The following S100Z variants were observed in gnomAD, a reference collection of about 807,000 sequenced individuals.
S100Z encodes S100 calcium binding protein Z.
In S100Z, 11 loss-of-function variants were observed where a neutral mutation model predicts 8.5. The ratio of observed to expected loss-of-function variants is 1.30; its 90% confidence interval spans 0.82 to 2.15. S100Z has a LOEUF of 2.15. Ranked by LOEUF, S100Z falls within the 30% of genes most tolerant of loss-of-function variation. The pLI is 0.00. For missense variants in S100Z, 126 were observed against 117.9 expected, an observed-to-expected ratio of 1.07 and a Z score of -0.32; for synonymous variants, 34 against 43.8, an observed-to-expected ratio of 0.78 and a Z score of 0.89.
the S100Z span, among the ~76,000 whole-genome samples, chr5:76,937,179 C>T: frequency 0.4 from 60,697 of 151,562 alleles, 14,177 homozygotes; most frequent in South Asian, 0.65. Context: ...TTATGCTTGC[C>T]CCTCAAGATT....
the S100Z span, among the ~76,000 whole-genome samples, chr5:76,947,829 G>C: frequency 0.078 from 11,932 of 152,166 alleles, 763 homozygotes; most frequent in African/African-American, 0.18. Context: ...TAATAAAATT[G>C]AACCTTTACC....
At chr5:76,881,492 C>T (rs749034014) in intron 4 of S100Z, among the ~76,000 whole-genome samples, 18 of 152,086 alleles carry the variant, frequency 1.2e-4, no homozygotes, top group Non-Finnish European at 2.1e-4. Flanking sequence ...TGAACAATCC[C>T]TGAGGAGTAG....
chr5:76,872,479 T>C (rs1311595211), intron 2 of S100Z, among the ~76,000 whole-genome samples: 2 of 151,656 alleles, frequency 1.3e-5, no homozygotes, highest in Non-Finnish European at 2.9e-5. Context: ...CTGGGAAACA[T>C]AGGGAGACCC....
At chr5:76,854,434 T>C (rs1265400717) in intron 1 of S100Z, among the ~76,000 whole-genome samples, 1 of 152,112 alleles carries the variant, frequency 6.6e-6, no homozygotes, top group Non-Finnish European at 1.5e-5. Flanking sequence ...AAGGTCACTT[T>C]TGTTGTGCAT....
At chr5:76,923,051 C>A (rs1326827576), downstream of S100Z, among the ~76,000 whole-genome samples, 4 of 150,602 alleles carry the variant, frequency 2.7e-5, no homozygotes, top group African/African-American at 9.7e-5. Context: ...AAACACAATA[C>A]CATATCACAC....
At chr5:76,885,301 C>G (rs181989232) in intron 4 of S100Z, among the ~76,000 whole-genome samples, 46 of 151,930 alleles carry the variant, frequency 3.0e-4, no homozygotes, top group African/African-American at 1.1e-3. Context: ...GTGCTTGCCC[C>G]CCAGGAAAGT....
At chr5:76,943,713 C>T in the S100Z span, among the ~76,000 whole-genome samples, 2 of 152,032 alleles carry the variant, frequency 1.3e-5, no homozygotes, top group South Asian at 4.2e-4. Context: ...ATTTGAGACA[C>T]CATCTGTCTC....
At chr5:76,922,610 G>A (rs188104853), downstream of S100Z, among the ~76,000 whole-genome samples, 87 of 152,254 alleles carry the variant, frequency 5.7e-4, no homozygotes, top group Non-Finnish European at 1.1e-3. Context: ...TGCAAGCTCC[G>A]CCTCCTGGGT....
chr5:76,882,523 G>T (rs1332886620), intron 4 of S100Z, among the ~76,000 whole-genome samples: 1 of 152,132 alleles, frequency 6.6e-6, no homozygotes, highest in Non-Finnish European at 1.5e-5. Flanking sequence ...TTATATAATG[G>T]TTTTGTTAGG....
At chr5:76,913,680 A>G (rs1479436223) in intron 4 of S100Z, among the ~76,000 whole-genome samples, 6 of 152,264 alleles carry the variant, frequency 3.9e-5, no homozygotes, top group Admixed American at 1.3e-4. Context: ...AACAAAATCT[A>G]TCCTTACTCT....
intron 4 of S100Z, among the ~76,000 whole-genome samples, chr5:76,919,660 G>A (rs192833509): frequency 4.1e-5 from 6 of 147,340 alleles, no homozygotes; most frequent in Non-Finnish European, 7.4e-5. Flanking sequence ...CACCCAGGCT[G>A]TAGGGTAGTG....
At chr5:76,928,835 G>T in the S100Z span, among the ~76,000 whole-genome samples, 2 of 152,208 alleles carry the variant, frequency 1.3e-5, no homozygotes, top group African/African-American at 2.4e-5. Context: ...AAACTCCTGG[G>T]CTCAAGCAAT....
At chr5:76,946,999 T>C in the S100Z span, among the ~76,000 whole-genome samples, 1 of 129,486 alleles carries the variant, frequency 7.7e-6, no homozygotes, top group African/African-American at 3.6e-5. Flanking sequence ...TCCTACCCCC[T>C]GGCCTCTGGG....
intron 2 of S100Z, among the ~76,000 whole-genome samples, chr5:76,874,067 T>C (rs1336787585): frequency 6.6e-6 from 1 of 152,130 alleles, no homozygotes; most frequent in African/African-American, 2.4e-5. Context: ...CCCAACATAG[T>C]ATTATATTTT....
chr5:76,904,730 A>G (rs759573780), intron 4 of S100Z, among the ~76,000 whole-genome samples: 3 of 151,944 alleles, frequency 2.0e-5, no homozygotes, highest in Admixed American at 6.6e-5. Flanking sequence ...TTTTTGGTAG[A>G]GATGGGGTCT....
intron 1 of S100Z, among the ~76,000 whole-genome samples, chr5:76,853,727 G>A (rs572323226): frequency 6.6e-6 from 1 of 151,908 alleles, no homozygotes; most frequent in Non-Finnish European, 1.5e-5. Context: ...AACCCAGGAG[G>A]CAGAGATTGC....
At chr5:76,952,883 C>A in the S100Z span, 1 of 522,738 alleles carries the variant, frequency 1.9e-6, no homozygotes, top group Non-Finnish European at 3.4e-6. Flanking sequence ...TAATGCTGGG[C>A]CACGCTGAAA....
chr5:76,948,901 A>T, the S100Z span: 1 of 152,228 alleles, frequency 6.6e-6, no homozygotes, highest in Non-Finnish European at 1.5e-5. Context: ...GAACAAACAC[A>T]TGGACACATA....
intron 2 of S100Z, among the ~76,000 whole-genome samples, chr5:76,871,262 A>G (rs544722121): frequency 2.6e-5 from 4 of 152,326 alleles, no homozygotes; most frequent in Middle Eastern, 3.4e-3. Flanking sequence ...TTTTGCATCT[A>G]TAGAGAATCT....
Sources: gnomAD v4.1 joint callset for allele counts (sites outside exome capture counted in the v4.1 genomes callset) on GRCh38, gnomAD v4.1.1 for gene constraint, MANE v1.5 for transcripts, NCBI Gene and HGNC (gene_info 2026-07-23, HGNC 2026-07-21) for gene names.